DARS1: variants seen among roughly 807,000 people sequenced by gnomAD.
DARS1 encodes aspartyl-tRNA synthetase 1, also known as aspartate--tRNA ligase, cytoplasmic.
Under a neutral mutation model 68.8 loss-of-function variants are expected in DARS1, and 51 were observed. That is an observed-to-expected ratio of 0.74 (90% CI 0.59 to 0.94). The LOEUF (loss-of-function observed/expected upper bound fraction) is 0.94, where lower values mean the gene tolerates loss of function less well. Ranked by LOEUF, DARS1 falls within the 40% of genes least tolerant of loss-of-function variation. DARS1 has a pLI of 0.00. For synonymous variants in DARS1, 203 were observed against 190.4 expected, an observed-to-expected ratio of 1.07 and a Z score of -0.55; for missense variants, 607 against 597.3, an observed-to-expected ratio of 1.02 and a Z score of -0.17.
intron 4 of DARS1, among the ~76,000 whole-genome samples, chr2:135,953,384 A>C (rs1681892099): frequency 6.6e-6 from 1 of 152,214 alleles, no homozygotes; most frequent in Non-Finnish European, 1.5e-5. Context: ...TCTTATTTTA[A>C]ATTCTGAGTC....
rs763707196 is a variant in DARS1 at position 135,985,587 on chromosome 2, C to A, written c.-119G>T. 8 of 1,553,780 alleles carry A rather than the reference C, an allele frequency of 5.1e-6. No individual in the cohort carries two copies. In the African/African-American group the frequency reaches 8.1e-5, roughly 16 times the overall value. On this transcript the variant is annotated 5_prime_UTR_variant, in exon 1 of 16. Transcript: ENST00000264161. ...CTCCCGACCCTGGGGTCTCAGCACA[C>A]GCGCTCGGACTCCGCGTGGAGGTGC... is the stretch of plus-strand genomic sequence containing the variant.
At chr2:135,964,938 AT>A (rs1056855341) in intron 3 of DARS1, among the ~76,000 whole-genome samples, 12 of 151,280 alleles carry the variant, frequency 7.9e-5, no homozygotes, top group Admixed American at 2.6e-4. Flanking sequence ...AATTTTTCTT[AT>A]TAAAAAAAGG....
intron 2 of DARS1, among the ~76,000 whole-genome samples, chr2:135,982,470 C>T (rs1010792681): frequency 1.3e-5 from 2 of 151,804 alleles, no homozygotes; most frequent in Non-Finnish European, 2.9e-5. Flanking sequence ...GCGGTGTGCG[C>T]CTGTAGTCCC....
intron 4 of DARS1, among the ~76,000 whole-genome samples, chr2:135,951,679 G>T (rs907366002): frequency 2.0e-5 from 3 of 152,158 alleles, no homozygotes; most frequent in Non-Finnish European, 2.9e-5. Context: ...ACTCGGCCAT[G>T]CAGGAATATA....
At chr2:135,911,039 T>C in intron 15 of DARS1, 100 bp downstream of exon 15, 1 of 616,890 alleles carries the variant, frequency 1.6e-6, no homozygotes, top group Non-Finnish European at 2.9e-6. Context: ...AAATCAAATT[T>C]TCACTTATGT....
chr2:135,939,717 G>A (rs1057468199), intron 5 of DARS1, among the ~76,000 whole-genome samples: 6 of 152,136 alleles, frequency 3.9e-5, no homozygotes, highest in Non-Finnish European at 5.9e-5. Flanking sequence ...ATGAATCCAG[G>A]AGCTGGTTTT....
At chr2:135,971,329 AG>A (rs1360656275) in intron 3 of DARS1, among the ~76,000 whole-genome samples, 1 of 152,204 alleles carries the variant, frequency 6.6e-6, no homozygotes, top group Non-Finnish European at 1.5e-5. Context: ...AACAGGATGA[AG>A]GACAAAAGCG....
At chr2:135,942,681 GAAAAA>G (rs899121259) in intron 5 of DARS1, among the ~76,000 whole-genome samples, 2 of 151,864 alleles carry the variant, frequency 1.3e-5, no homozygotes, top group African/African-American at 4.8e-5. Context: ...AATGGAAACT[GAAAAA>G]TAAAATAAAA....
chr2:135,969,352 G>A (rs1311028473), intron 3 of DARS1, among the ~76,000 whole-genome samples: 1 of 151,904 alleles, frequency 6.6e-6, no homozygotes, highest in African/African-American at 2.4e-5. Flanking sequence ...TAAAGATTTG[G>A]AAAGACACAG....
intron 3 of DARS1, among the ~76,000 whole-genome samples, chr2:135,972,544 G>A (rs1682396606): frequency 6.6e-6 from 1 of 152,120 alleles, no homozygotes; most frequent in Admixed American, 6.6e-5. Flanking sequence ...TACTCCACAA[G>A]CACAGGCAAC....
chr2:135,934,955 T>C (rs975045071), intron 5 of DARS1, among the ~76,000 whole-genome samples: 1 of 151,650 alleles, frequency 6.6e-6, no homozygotes, highest in African/African-American at 2.4e-5. Flanking sequence ...CCACACCAGC[T>C]AATTTTTGTA....
intron 2 of DARS1, 102 bp downstream of exon 2, chr2:135,983,295 T>G (rs948762964): frequency 8.6e-6 from 6 of 695,866 alleles, no homozygotes; most frequent in Admixed American, 2.8e-5. Context: ...CTTTTCAGAA[T>G]TATACCTTCA....
intron 9 of DARS1, among the ~76,000 whole-genome samples, chr2:135,921,702 T>A (rs369363328): frequency 2.0e-5 from 3 of 152,192 alleles, no homozygotes; most frequent in East Asian, 1.9e-4. Context: ...ATGAGCAGCA[T>A]CAACAATACC....
intron 12 of DARS1, 29 bp from the exon 13 acceptor site, chr2:135,912,595 A>T (rs1680919291): frequency 1.3e-6 from 1 of 768,194 alleles, no homozygotes; most frequent in Non-Finnish European, 2.2e-6. Flanking sequence ...CAATTAAAAT[A>T]CATTTTTAAA....
intron 15 of DARS1, among the ~76,000 whole-genome samples, chr2:135,908,785 ATTTG>A (rs949301162): frequency 4.6e-5 from 7 of 152,076 alleles, no homozygotes; most frequent in African/African-American, 1.7e-4. Context: ...TTTCTTGTAA[ATTTG>A]TTTAAGTTCC....
At chr2:135,913,016 G>C (rs905284229) in intron 12 of DARS1, among the ~76,000 whole-genome samples, 8 of 151,282 alleles carry the variant, frequency 5.3e-5, no homozygotes, top group African/African-American at 1.9e-4. Context: ...ATGAGCCACA[G>C]TGCCAGGCCT....
intron 4 of DARS1, among the ~76,000 whole-genome samples, chr2:135,956,411 C>T (rs531095017): frequency 2.0e-5 from 3 of 152,104 alleles, no homozygotes; most frequent in African/African-American, 7.2e-5. Context: ...TGAAGGCAGG[C>T]GAGGGTGATC....
chr2:135,961,620 G>T, intron 3 of DARS1, 122 bp from the exon 4 acceptor site: 2 of 662,628 alleles, frequency 3.0e-6, no homozygotes, highest in South Asian at 1.7e-5. Flanking sequence ...AGGCACGCAT[G>T]CATGTGTATA....
Position 135,916,361 on chromosome 2 carries a change from T to G in DARS1, c.971A>C (p.Glu324Ala). 4.6e-6 allele frequency: 7 copies of G among 1,530,216 alleles called. No individual in the cohort carries two copies. The highest frequency in any genetic ancestry group is 6.3e-6 in the Non-Finnish European group (7 of 1,104,046). The allele number at this position is 1,530,216 out of a possible 1,614,324, so 94.8% of individuals were successfully genotyped here. Reference protein sequence around the residue: ...FKGLQERFQTEIQTVNKQFPC... With the variant: ...FKGLQERFQTAIQTVNKQFPC... ...GAACTGTTTATTCACTGTTTGAATT[T>G]CAGTCTGAAACCTATTTGCAGAATG... Residue 324 changes from glutamate (E) to alanine (A), a missense_variant, in exon 11 of 16, where the codon GAA becomes GCA. Coordinates refer to ENST00000264161, the MANE Select transcript of DARS1 (RefSeq NM_001349.4).
Sources: allele counts gnomAD v4.1 joint callset (sites outside exome capture counted in the v4.1 genomes callset), GRCh38; gene constraint gnomAD v4.1.1; transcripts MANE v1.5; gene names NCBI Gene and HGNC (gene_info 2026-07-23, HGNC 2026-07-21).